Variants in MDH1 observed in about 807,000 individuals in gnomAD.
The protein encoded by MDH1 is malate dehydrogenase, cytoplasmic.
In MDH1, 15 loss-of-function variants were observed where a neutral mutation model predicts 38.7. That is an observed-to-expected ratio of 0.39 (90% CI 0.26 to 0.60). The LOEUF is 0.60. Ranked by LOEUF, MDH1 falls within the 20% of genes least tolerant of loss-of-function variation. The pLI, the probability that MDH1 is intolerant of heterozygous loss-of-function variation, is 0.56. For synonymous variants in MDH1, 144 were observed against 143.6 expected, an observed-to-expected ratio of 1.00 and a Z score of -0.02; for missense variants, 368 against 405.2, an observed-to-expected ratio of 0.91 and a Z score of 0.79.
intron 5 of MDH1, 141 bp downstream of exon 5, chr2:63,599,433 TA>T: frequency 1.2e-6 from 1 of 800,454 alleles, no homozygotes. Context: ...AAATTAAAAG[TA>T]AATTATTATT....
chr2:63,593,453 G>T, intron 1 of MDH1: 2 of 412,802 alleles, frequency 4.8e-6, no homozygotes, highest in Non-Finnish European at 5.0e-6. Context: ...GTACCAAATT[G>T]CTGAGTGCTG....
At chr2:63,589,744 G>T (rs1370260674) in intron 1 of MDH1, among the ~76,000 whole-genome samples, 2 of 152,118 alleles carry the variant, frequency 1.3e-5, no homozygotes, top group African/African-American at 2.4e-5. Flanking sequence ...GGAAGACCTG[G>T]GTAACCTGCA....
rs1488324484 is a variant in MDH1 at position 63,605,949 on chromosome 2, T to G, written c.800T>G (p.Val267Gly). 1 of 1,613,736 alleles carries G rather than the reference T, an allele frequency of 6.2e-7. No homozygotes were observed. Among genetic ancestry groups the G allele is most frequent in the Non-Finnish European group, 8.5e-7 (1 of 1,179,574 alleles). Residue 267 changes from valine (V) to glycine (G), a missense_variant, in exon 8 of 9, where the codon GTG becomes GGG. Physicochemically the swap from Val to Gly is moderately radical, Grantham distance 109. Coordinates refer to ENST00000233114, the MANE Select transcript of MDH1 (RefSeq NM_005917.4). The part of the protein sequence containing the change: ...IWFGTPEGEF[V>G]SMGVISDGNS... The stretch of plus-strand genomic sequence containing the variant: ...CATTGTTATTTTCAGGGAGAGTTTG[T>G]GTCCATGGGTGTTATCTCTGATGGC...
Position 63,598,998 on chromosome 2 carries a change from A to G in MDH1, c.376-172A>G, listed in dbSNP as rs570816691. ...TTTCAAAATTTTTTATTACCATTTT[A>G]TAAAAGATTTTTATAACTTAAAATG... On this transcript the variant is annotated intron_variant, in intron 4 of 8. Transcript: ENST00000233114. Among the ~76,000 whole-genome samples the G allele has an allele frequency of 2.0e-5, 3 of 151,618 alleles. No individual in the cohort carries two copies. The South Asian group carries it at 6.2e-4, about 31-fold the overall frequency.
chr2:63,589,281 C>A, intron 1 of MDH1: 1 of 1,551,046 alleles, frequency 6.4e-7, no homozygotes, highest in South Asian at 1.2e-5. Flanking sequence ...AAGTAGTTGT[C>A]CTGGGAGAGG....
chr2:63,594,312 A>T, intron 1 of MDH1, 176 bp from the exon 2 acceptor site: 1 of 716,426 alleles, frequency 1.4e-6, no homozygotes, highest in South Asian at 1.4e-5. Flanking sequence ...GGTGAGAGTT[A>T]AATAACACCA....
At chr2:63,601,089 A>G (rs975142649) in intron 5 of MDH1, among the ~76,000 whole-genome samples, 2 of 152,196 alleles carry the variant, frequency 1.3e-5, no homozygotes, top group Non-Finnish European at 2.9e-5. Flanking sequence ...AGAAAGTGCT[A>G]TCTCCTCAGA....
rs1709518415 is a variant in MDH1, at chr2:63,605,940, G to C, written c.791G>C (p.Gly264Ala). Residue 264 changes from glycine (G) to alanine (A), a missense_variant and splice_region_variant, in exon 8 of 9, where the codon GGA becomes GCA. Physicochemically the swap from Gly to Ala is moderately conservative, Grantham distance 60. Transcript: ENST00000233114. The part of the protein sequence containing the change: ...VRDIWFGTPE[G>A]EFVSMGVISD... Reference sequence around the variant, plus strand: ...TATGTGAAACATTGTTATTTTCAGGGAGAGTTTGTGTCCATGGGTGTTATC... The same window carrying C: ...TATGTGAAACATTGTTATTTTCAGGCAGAGTTTGTGTCCATGGGTGTTATC... The C allele has an allele frequency of 5.0e-6, 8 of 1,612,886 alleles. No homozygotes were observed. The South Asian group carries it at 7.7e-5, about 15-fold the overall frequency.
chr2:63,593,680 AG>A, intron 1 of MDH1: 1 of 471,524 alleles, frequency 2.1e-6, no homozygotes, highest in Non-Finnish European at 4.4e-6. Flanking sequence ...TATCGGGGAA[AG>A]GAATGGTTCA....
At chr2:63,589,372 T>C in intron 1 of MDH1, 1 of 1,550,594 alleles carries the variant, frequency 6.4e-7, no homozygotes, top group Non-Finnish European at 8.7e-7. Flanking sequence ...CGGTGTTTGA[T>C]AAGGACGATA....
intron 5 of MDH1, among the ~76,000 whole-genome samples, chr2:63,600,985 A>G (rs1388514688): frequency 6.6e-6 from 1 of 152,212 alleles, no homozygotes; most frequent in Non-Finnish European, 1.5e-5. Flanking sequence ...GCATTGGAAA[A>G]TTCTGCTTCC....
At position 63,606,997 on chromosome 2, in the gene MDH1, G is replaced by T; in HGVS notation, c.*10G>T. On this transcript the variant is annotated 3_prime_UTR_variant, in exon 9 of 9. Coordinates refer to ENST00000233114, the MANE Select transcript of MDH1 (RefSeq NM_005917.4). ...TCTTTCCTCTGCCTGACTAGACAAT[G>T]ATGTTACTAAATGCTTCAAAGCTGA... The T allele has an allele frequency of 6.2e-7, 1 of 1,606,886 alleles. No individual in the cohort carries two copies. The highest frequency in any genetic ancestry group is 1.1e-5 in the South Asian group (1 of 89,308).
At chr2:63,603,735 G>A (rs262471) in intron 5 of MDH1, among the ~76,000 whole-genome samples, 120,131 of 149,326 alleles carry the variant, frequency 0.8, 48,844 homozygotes, top group East Asian at 0.98. Context: ...TTGGCTCACC[G>A]CAACCTCCGC....
chr2:63,593,258 C>A, intron 1 of MDH1: 1 of 188,396 alleles, frequency 5.3e-6, no homozygotes, highest in Non-Finnish European at 1.1e-5. Context: ...CCACACCCAG[C>A]TAATTCTGTA....
At chr2:63,602,647 C>A (rs1709445193) in intron 5 of MDH1, among the ~76,000 whole-genome samples, 1 of 152,020 alleles carries the variant, frequency 6.6e-6, no homozygotes, top group South Asian at 2.1e-4. Context: ...TACAGAATTT[C>A]TTCATCACTC....
Position 63,589,029 on chromosome 2 carries a change from C to T in MDH1, c.-15C>T, listed in dbSNP as rs1168337606. 3.1e-6 allele frequency: 5 copies of T among 1,614,238 alleles called. No homozygotes were observed. The Admixed American group carries it at 6.7e-5, about 22-fold the overall frequency. Reference sequence around the variant, plus strand: ...CATTTTGCAGTTGTTGAAATTGTCCCCGCAGTTTTCAATCATGGTGAGTGT... The same window carrying T: ...CATTTTGCAGTTGTTGAAATTGTCCTCGCAGTTTTCAATCATGGTGAGTGT... On this transcript the variant is annotated 5_prime_UTR_variant, in exon 1 of 9. Coordinates refer to ENST00000233114, the MANE Select transcript of MDH1 (RefSeq NM_005917.4).
Position 63,605,925 on chromosome 2 carries a change from A to T in MDH1, c.790-14A>T, listed in dbSNP as rs771494543. 11 of 1,607,058 alleles carry T rather than the reference A, an allele frequency of 6.8e-6. No individual in the cohort carries two copies. The highest frequency in any genetic ancestry group is 8.5e-6 in the Non-Finnish European group (10 of 1,173,678). On this transcript the variant is annotated splice_polypyrimidine_tract_variant and intron_variant, in intron 7 of 8. Transcript: ENST00000233114. Reference sequence around the variant, plus strand: ...ACTAATCATCATGAGTATGTGAAACATTGTTATTTTCAGGGAGAGTTTGTG... The same window carrying T: ...ACTAATCATCATGAGTATGTGAAACTTTGTTATTTTCAGGGAGAGTTTGTG...
At position 63,604,710 on chromosome 2, in the gene MDH1, T is replaced by G. The variant is rs1173480047; in HGVS notation, c.513T>G (p.Leu171=). ...NRAKAQIALK[L]GVTANDVKNV... ...AATTTAACTAGATTGCTCTTAAACT[T>G]GGTGTGACTGCTAATGATGTAAAGA... The change falls in exon 6 of 9, where the codon CTT becomes CTG. Residue 171 remains leucine (L), a synonymous_variant. Coordinates refer to ENST00000233114, the MANE Select transcript of MDH1 (RefSeq NM_005917.4). 4.3e-6 allele frequency: 7 copies of G among 1,613,660 alleles called. No individual in the cohort carries two copies.
intron 3 of MDH1, 146 bp from the exon 4 acceptor site, chr2:63,597,253 C>G: frequency 1.6e-6 from 2 of 1,228,778 alleles, no homozygotes; most frequent in Non-Finnish European, 2.1e-6. Context: ...AATATATTAT[C>G]TTTCTCAGGC....
Sources: gnomAD v4.1 joint callset for allele counts (sites outside exome capture counted in the v4.1 genomes callset) on GRCh38, gnomAD v4.1.1 for gene constraint, MANE v1.5 for transcripts, NCBI Gene and HGNC (gene_info 2026-07-23, HGNC 2026-07-21) for gene names.